Variants in CEBPZOS observed in about 807,000 individuals in gnomAD.
The protein encoded by CEBPZOS is CEBPZ opposite strand, also known as protein CEBPZOS.
CEBPZOS carries 10 observed loss-of-function variants against 4.8 expected under a neutral mutation model. The observed-to-expected ratio is 2.07, with a 90% CI of 1.28 to 3.52. CEBPZOS has a LOEUF of 3.52. Ranked by LOEUF, CEBPZOS falls within the 30% of genes most tolerant of loss-of-function variation. CEBPZOS has a pLI of 0.00. For synonymous variants in CEBPZOS, 25 were observed against 14.2 expected (o/e 1.77, Z -1.72); for missense variants, 98 against 43.6 (o/e 2.25, Z -3.51).
chr2:37,197,697 T>C (rs539756887), intron 1 of CEBPZOS, among the ~76,000 whole-genome samples: 1 of 152,064 alleles, frequency 6.6e-6, no homozygotes, highest in Non-Finnish European at 1.5e-5. Context: ...AAACCTCATC[T>C]CTACTAAACA....
At chr2:37,212,139 G>A (rs1396011556) in intron 4 of CEBPZOS, 1 of 1,138,284 alleles carries the variant, frequency 8.8e-7, no homozygotes, top group Non-Finnish European at 1.2e-6. Flanking sequence ...GACTCAGAAG[G>A]AGAAAGCTTT....
chr2:37,200,069 A>T (rs960728805), intron 2 of CEBPZOS, among the ~76,000 whole-genome samples: 1 of 152,184 alleles, frequency 6.6e-6, no homozygotes. Flanking sequence ...ACTATTGTGG[A>T]GGATATAGCA....
Position 37,202,209 on chromosome 2 carries a change from T to TA in CEBPZOS, c.*357dup, listed in dbSNP as rs138011105. The TA allele has an allele frequency of 0.021, 4,080 of 190,090 alleles. 80 individuals are homozygous for TA. The highest frequency in any genetic ancestry group is 0.035 in the Middle Eastern group (19 of 544). The allele number at this position is 190,090 out of a possible 1,614,324, so 11.8% of individuals were successfully genotyped here. A position where few individuals can be genotyped will look rare whatever the true frequency, so the allele number is the denominator to read the frequency against. ...AATATGTAAAAACGGCCCACTTCCC[T>TA]AAAAAAAAGTAATTTTTGTAGTCTG... On this transcript the variant is annotated 3_prime_UTR_variant, in exon 5 of 5. Transcript: ENST00000402297.
At chr2:37,215,089 C>A (rs919340578), downstream of CEBPZOS, 3 of 629,070 alleles carry the variant, frequency 4.8e-6, no homozygotes, top group African/African-American at 3.7e-5. Context: ...AGAAGGGACT[C>A]TGGAGTGCAA....
In CEBPZOS at chr2:37,202,786, G is replaced by C; in HGVS notation, c.*926G>C. 1 of 1,551,434 alleles carries C rather than the reference G, an allele frequency of 6.4e-7. No homozygotes were observed. The highest frequency in any genetic ancestry group is 8.7e-7 in the Non-Finnish European group (1 of 1,147,820). On this transcript the variant is annotated 3_prime_UTR_variant, in exon 5 of 5. Transcript: ENST00000402297. ...ATAAAAAAATTTAAGTTACTTACTT[G>C]CATTATCTTTGTTAGCCATGGCATT...
At chr2:37,199,411 CAATT>C (rs1007010970) in intron 1 of CEBPZOS, among the ~76,000 whole-genome samples, 2 of 152,184 alleles carry the variant, frequency 1.3e-5, no homozygotes, top group Non-Finnish European at 2.9e-5. Context: ...TTTTCCTACA[CAATT>C]AAATAATTTT....
Position 37,203,093 on chromosome 2 carries a change from A to C in CEBPZOS, c.*1233A>C. 2 of 913,758 alleles carry C rather than the reference A, an allele frequency of 2.2e-6. No homozygotes were observed. Among genetic ancestry groups the C allele is most frequent in the Non-Finnish European group, 3.2e-6 (2 of 620,868 alleles). The allele number at this position is 913,758 out of a possible 1,614,324, so 56.6% of individuals were successfully genotyped here. Reference sequence around the variant, plus strand: ...CAATGCAACATGATTTTATTTTAAAAATTATACTTGGGTAAAAACAATTGC... The same window carrying C: ...CAATGCAACATGATTTTATTTTAAACATTATACTTGGGTAAAAACAATTGC... On this transcript the variant is annotated 3_prime_UTR_variant, in exon 5 of 5. Transcript: ENST00000402297.
chr2:37,200,862 G>T lies in CEBPZOS; in HGVS notation c.116-186G>T, dbSNP rs1455151584. ...ACTGTACTGCAGCCTGGGCAACAGG[G>T]AGAGAGATCCTGACTCAAAAAAACA... On this transcript the variant is annotated intron_variant, in intron 2 of 4. Transcript: ENST00000402297. 1.1e-4 allele frequency among the ~76,000 whole-genome samples: 16 copies of T among 152,166 alleles called. No homozygotes were observed. The East Asian group carries it at 2.9e-3, about 28-fold the overall frequency.
chr2:37,205,389 C>T (rs1009964894), downstream of CEBPZOS, among the ~76,000 whole-genome samples: 1 of 152,186 alleles, frequency 6.6e-6, no homozygotes, highest in African/African-American at 2.4e-5. Context: ...ATTCCTTCTC[C>T]TGGCTCATCC....
chr2:37,211,812 C>G (rs921070086), intron 4 of CEBPZOS: 1 of 1,467,802 alleles, frequency 6.8e-7, no homozygotes, highest in Admixed American at 2.2e-5. Context: ...GAGGAAGACA[C>G]AGTTTATGTC....
At chr2:37,212,869 A>AC (rs34907730) in intron 4 of CEBPZOS, among the ~76,000 whole-genome samples, 3,574 of 148,342 alleles carry the variant, frequency 0.024, 62 homozygotes, top group South Asian at 0.035. Context: ...AACAACAACA[A>AC]AAAAAAAAAC....
chr2:37,206,065 G>A (rs1225778762), downstream of CEBPZOS, among the ~76,000 whole-genome samples: 1 of 152,196 alleles, frequency 6.6e-6, no homozygotes, highest in Non-Finnish European at 1.5e-5. Flanking sequence ...AGGAAGATCT[G>A]CATTCAAATG....
rs532556189 is a variant in CEBPZOS, at chr2:37,198,947, G to A, written c.-1-757G>A. ...GGTGGGCGGATTGCTTGAGCTCACG[G>A]GTTCGAGACCAATCTGGGCAACATG... On this transcript the variant is annotated intron_variant, in intron 1 of 4. Coordinates refer to ENST00000402297, the MANE Select transcript of CEBPZOS (RefSeq NM_001322374.2). Among the ~76,000 whole-genome samples the A allele has an allele frequency of 8.5e-4, 130 of 152,142 alleles. 1 individual carries two copies. In the South Asian group the frequency reaches 0.026, roughly 31 times the overall value.
downstream of CEBPZOS, chr2:37,216,060 T>C (rs1677858922): frequency 9.3e-7 from 1 of 1,075,556 alleles, no homozygotes; most frequent in African/African-American, 1.6e-5. Flanking sequence ...TCTGATAAAT[T>C]AGAACAAAGA....
chr2:37,207,386 T>C (rs765579341), downstream of CEBPZOS, among the ~76,000 whole-genome samples: 37 of 152,316 alleles, frequency 2.4e-4, no homozygotes, highest in Admixed American at 7.2e-4. Flanking sequence ...TTCTCAAGGA[T>C]AGACCATATG....
rs1241616732 is a variant in CEBPZOS at position 37,202,746 on chromosome 2, A to G, written c.*886A>G. On this transcript the variant is annotated 3_prime_UTR_variant, in exon 5 of 5. Coordinates refer to ENST00000402297, the MANE Select transcript of CEBPZOS (RefSeq NM_001322374.2). ...TCTTCTGAAGTTCCAAGCCAAAGCT[A>G]TTTTTAAAACATCAATAAAAAAATT... 1.3e-5 allele frequency: 16 copies of G among 1,261,206 alleles called. No individual in the cohort carries two copies. Among genetic ancestry groups the G allele is most frequent in the Non-Finnish European group, 1.6e-5 (15 of 918,730 alleles). The allele number at this position is 1,261,206 out of a possible 1,614,324, so 78.1% of individuals were successfully genotyped here.
In CEBPZOS at chr2:37,196,503, C is replaced by A. The variant is rs778665739; in HGVS notation, c.-19C>A. 1 of 152,270 alleles carries A rather than the reference C, an allele frequency of 6.6e-6. No individual in the cohort carries two copies. The highest frequency in any genetic ancestry group is 1.5e-5 in the Non-Finnish European group (1 of 68,086). 9.4% of individuals were successfully genotyped at this position (152,270 alleles called of 1,614,324 possible). ...GCCAACCGTTGCGCATGCGCAGTCCCCCTTGAACGCACCTCAGGTAAGACT... is the reference window on the plus strand; with the variant it reads ...GCCAACCGTTGCGCATGCGCAGTCCACCTTGAACGCACCTCAGGTAAGACT... On this transcript the variant is annotated 5_prime_UTR_variant, in exon 1 of 5. Transcript: ENST00000402297.
In CEBPZOS at chr2:37,210,722, T is replaced by TA. The variant is rs369056387; in HGVS notation, c.*3-2714dup. 1.7e-4 allele frequency: 54 copies of TA among 314,878 alleles called. 1 individual carries two copies. Among genetic ancestry groups the TA allele is most frequent in the Middle Eastern group, 2.0e-3 (2 of 1,016 alleles). The allele number at this position is 314,878 out of a possible 1,614,324, so 19.5% of individuals were successfully genotyped here. A position where few individuals can be genotyped will look rare whatever the true frequency, so the allele number is the denominator to read the frequency against. On this transcript the variant is annotated intron_variant, in intron 4 of 4. Coordinates refer to the CEBPZOS transcript ENST00000397064. The stretch of plus-strand genomic sequence containing the variant: ...TCTCAGAAATCACTACTAAAGAACT[T>TA]ACCTATGTAACCAAACACCCTACCT...
exon 5 of CEBPZOS, chr2:37,213,654 T>C (rs1000098043): frequency 2.3e-6 from 1 of 431,560 alleles, no homozygotes; most frequent in East Asian, 5.1e-5. Context: ...CCTCAAACAA[T>C]CTTCCTGCCT....
Sources: allele counts gnomAD v4.1 joint callset (sites outside exome capture counted in the v4.1 genomes callset), GRCh38; gene constraint gnomAD v4.1.1; transcripts MANE v1.5; gene names NCBI Gene and HGNC (gene_info 2026-07-23, HGNC 2026-07-21).